RBMX2: variants seen among roughly 807,000 people sequenced by gnomAD.
RBMX2 encodes the protein RNA-binding motif protein, X-linked 2.
For missense variants in RBMX2, 191 were observed against 256.0 expected (o/e 0.75, Z 1.73); for synonymous variants, 77 against 94.3 (o/e 0.82, Z 1.07).
At chrX:130,403,748 G>A in intron 2 of RBMX2, 54 bp from the exon 3 acceptor site, 1 of 1,099,782 alleles carries the variant, frequency 9.1e-7, no homozygotes, top group East Asian at 3.0e-5. Flanking sequence ...TGCGTGGTAT[G>A]TAGTAAACAC....
intron 2 of RBMX2, 56 bp from the exon 3 acceptor site, chrX:130,403,746 A>G (rs1271154318): frequency 9.3e-7 from 1 of 1,079,372 alleles, no homozygotes; most frequent in Non-Finnish European, 1.3e-6. Flanking sequence ...AGTGCGTGGT[A>G]TGTAGTAAAC....
chrX:130,404,695 G>A (rs764342526), intron 3 of RBMX2, among the ~76,000 whole-genome samples: 8 of 113,064 alleles, frequency 7.1e-5, no homozygotes, highest in Non-Finnish European at 1.5e-4. Context: ...GATTGCTATG[G>A]GACCATCCAT....
At position 130,413,462 on chromosome X, in the gene RBMX2, A is replaced by T. The variant is rs2034525374; in HGVS notation, c.*614A>T. On this transcript the variant is annotated 3_prime_UTR_variant, in exon 6 of 6. Transcript: ENST00000305536. The stretch of plus-strand genomic sequence containing the variant: ...AACAATTCAGTGGCATTTGGTACTG[A>T]ACATCCACAGTGTTGTGTAACCATT... The T allele has an allele frequency of 9.0e-6, 1 of 111,589 alleles. No homozygotes were observed. Among genetic ancestry groups the T allele is most frequent in the South Asian group, 3.7e-4 (1 of 2,677 alleles). 9.2% of individuals were successfully genotyped at this position (111,589 alleles called of 1,213,427 possible). A position where few individuals can be genotyped will look rare whatever the true frequency, so the allele number is the denominator to read the frequency against.
intron 3 of RBMX2, among the ~76,000 whole-genome samples, chrX:130,404,917 G>A (rs2034476430): frequency 8.9e-6 from 1 of 112,668 alleles, no homozygotes. Context: ...CTACCCCTTT[G>A]TGGTACTTCT....
rs1440511716 is a variant in RBMX2 at position 130,411,441 on chromosome X, G to A, written c.397G>A (p.Glu133Lys). The change falls in exon 5 of 6, where the codon GAG becomes AAG. Residue 133 changes from glutamate to lysine, a missense_variant. Coordinates refer to ENST00000305536, the MANE Select transcript of RBMX2 (RefSeq NM_016024.4). Reference protein sequence around the residue: ...EIDDVTRQLQEKGCGARTPSP... With the variant: ...EIDDVTRQLQKKGCGARTPSP... Reference sequence around the variant, plus strand: ...AGATGATGTGACCAGACAACTCCAGGAGAAGGGCTGTGGGGCTCGTACCCC... The same window carrying A: ...AGATGATGTGACCAGACAACTCCAGAAGAAGGGCTGTGGGGCTCGTACCCC... The A allele has an allele frequency of 8.3e-7, 1 of 1,210,115 alleles. No individual in the cohort carries two copies. The highest frequency in any genetic ancestry group is 2.2e-5 in the Admixed American group (1 of 45,853).
chrX:130,402,225 A>AAACC, intron 1 of RBMX2, 30 bp from the exon 2 acceptor site: 1 of 984,793 alleles, frequency 1.0e-6, no homozygotes, highest in Non-Finnish European at 1.4e-6. Context: ...TTTTCTGCCT[A>AAACC]CCCTCCCCAC....
chrX:130,403,733 C>T (rs2034469033), intron 2 of RBMX2, 69 bp from the exon 3 acceptor site: 3 of 993,023 alleles, frequency 3.0e-6, no homozygotes, highest in Non-Finnish European at 4.3e-6. Flanking sequence ...TAGTGCCTGG[C>T]CTAGTGCGTG....
chrX:130,402,224 T>TTCCCCA, intron 1 of RBMX2, 31 bp from the exon 2 acceptor site: 1 of 1,174,329 alleles, frequency 8.5e-7, no homozygotes, highest in Non-Finnish European at 1.1e-6. Context: ...CTTTTCTGCC[T>TTCCCCA]ACCCTCCCCA....
chrX:130,402,691 A>C (rs1331456430), intron 2 of RBMX2, among the ~76,000 whole-genome samples: 1 of 111,633 alleles, frequency 9.0e-6, no homozygotes, highest in Non-Finnish European at 1.9e-5. Flanking sequence ...GACTTCCTTA[A>C]GGTCACATAG....
chrX:130,407,766 G>A (rs979046220), intron 3 of RBMX2, among the ~76,000 whole-genome samples: 14 of 107,085 alleles, frequency 1.3e-4, no homozygotes, highest in African/African-American at 4.8e-4. Flanking sequence ...CAAGTGATCC[G>A]CCCCACGCAC....
chrX:130,411,056 T>C, intron 4 of RBMX2: 2 of 229,152 alleles, frequency 8.7e-6, no homozygotes, highest in African/African-American at 2.8e-5. Context: ...GTCTTTTTCA[T>C]TTTATGGCAC....
intron 4 of RBMX2, chrX:130,411,067 A>G (rs1398623724): frequency 4.0e-6 from 1 of 247,106 alleles, no homozygotes. Flanking sequence ...TTTATGGCAC[A>G]TACAGAACAT....
At chrX:130,411,685 T>C (rs1323016664) in intron 5 of RBMX2, among the ~76,000 whole-genome samples, 160 bp downstream of exon 5, 1 of 111,280 alleles carries the variant, frequency 9.0e-6, no homozygotes, top group Non-Finnish European at 1.9e-5. Flanking sequence ...AGGCTGGTGC[T>C]ATGGGCAGAA....
intron 3 of RBMX2, among the ~76,000 whole-genome samples, chrX:130,405,967 G>T (rs531548964): frequency 1.4e-5 from 1 of 71,685 alleles, no homozygotes; most frequent in South Asian, 6.9e-4. Flanking sequence ...CCATTCTCCT[G>T]CCTCAGCCTC....
chrX:130,405,833 C>CT (rs770753173), intron 3 of RBMX2, among the ~76,000 whole-genome samples: 1 of 24,638 alleles, frequency 4.1e-5, no homozygotes, highest in African/African-American at 2.1e-4. Context: ...TTTGCTTTGC[C>CT]TTTTTTTTTT....
intron 3 of RBMX2, among the ~76,000 whole-genome samples, chrX:130,405,243 G>T (rs2034478224): frequency 9.1e-6 from 1 of 109,755 alleles, no homozygotes; most frequent in African/African-American, 3.3e-5. Flanking sequence ...GCCAGGCATG[G>T]TGGTGCGCGC....
chrX:130,412,907 C>A lies in RBMX2; in HGVS notation c.*59C>A. On this transcript the variant is annotated 3_prime_UTR_variant, in exon 6 of 6. Transcript: ENST00000305536. ...TATGTTTTTTAAATGCAGTCAAATT[C>A]AGTTGGGTGGTTACTATTTTTGTAT... is the stretch of plus-strand genomic sequence containing the variant. The A allele has an allele frequency of 9.2e-7, 1 of 1,082,074 alleles. No homozygotes were observed. The highest frequency in any genetic ancestry group is 1.2e-6 in the Non-Finnish European group (1 of 812,839). The allele number at this position is 1,082,074 out of a possible 1,213,427, so 89.2% of individuals were successfully genotyped here. A position where few individuals can be genotyped will look rare whatever the true frequency, so the allele number is the denominator to read the frequency against.
At chrX:130,407,349 C>G (rs981994113) in intron 3 of RBMX2, among the ~76,000 whole-genome samples, 21 of 111,225 alleles carry the variant, frequency 1.9e-4, no homozygotes, top group African/African-American at 6.5e-4. Flanking sequence ...AGCTCTTGGG[C>G]TACTGTCATA....
chrX:130,409,119 T>G, intron 3 of RBMX2, 138 bp from the exon 4 acceptor site: 3 of 503,145 alleles, frequency 6.0e-6, no homozygotes, highest in Non-Finnish European at 8.8e-6. Context: ...TGACTTTTTC[T>G]TTGCAACCTT....
Sources: gnomAD v4.1 joint callset for allele counts (sites outside exome capture counted in the v4.1 genomes callset) on GRCh38, gnomAD v4.1.1 for gene constraint, MANE v1.5 for transcripts, NCBI Gene and HGNC (gene_info 2026-07-23, HGNC 2026-07-21) for gene names.